The following BEND3 variants were observed in gnomAD, a reference collection of about 807,000 sequenced individuals.
The protein encoded by BEND3 is BEN domain containing 3.
BEND3 carries 13 observed loss-of-function variants against 60.1 expected under a neutral mutation model. The observed-to-expected ratio is 0.22, with a 90% CI of 0.14 to 0.34. The LOEUF is 0.34. Among genes scored for constraint, BEND3 ranks in the 10% least tolerant of loss-of-function variants. BEND3 has a pLI of 1.00. For synonymous variants in BEND3, 497 were observed against 491.5 expected (o/e 1.01, Z -0.15); for missense variants, 896 against 1,138.1 (o/e 0.79, Z 3.06).
intron 1 of BEND3, 80 bp downstream of exon 1, chr6:107,115,010 A>T (rs1582682566): frequency 7.1e-6 from 1 of 141,694 alleles, no homozygotes. Context: ...TGGATGTTGC[A>T]GCCACTCTAC....
chr6:107,090,673 T>G (rs1173044561), intron 3 of BEND3, among the ~76,000 whole-genome samples: 1 of 152,164 alleles, frequency 6.6e-6, no homozygotes, highest in Non-Finnish European at 1.5e-5. Flanking sequence ...TTTGTTATTA[T>G]AAGGTACTCA....
At chr6:107,082,486 G>A (rs1775254754) in intron 3 of BEND3, among the ~76,000 whole-genome samples, 1 of 152,206 alleles carries the variant, frequency 6.6e-6, no homozygotes, top group Non-Finnish European at 1.5e-5. Context: ...CCAGGCTGGA[G>A]TGTAGTGGTG....
At position 107,103,959 on chromosome 6, in the gene BEND3, AAAAGAAAG is replaced by A. The variant is rs377110388; in HGVS notation, c.-11-4671_-11-4664del. On this transcript the variant is annotated intron_variant, in intron 1 of 3. Coordinates refer to ENST00000369042, the MANE Select transcript of BEND3 (RefSeq NM_001367314.1). ...GCGAAACTCCGTCTCAAAAAAAAAAAAAAGAAAGAAAGAAAGAAAGAAAGAAAGAAAAA... is the reference window on the plus strand; with the variant it reads ...GCGAAACTCCGTCTCAAAAAAAAAAAAAAGAAAGAAAGAAAGAAAGAAAAA... Among the ~76,000 whole-genome samples the A allele has an allele frequency of 4.4e-3, 474 of 107,868 alleles. 3 individuals carry two copies. Among genetic ancestry groups the A allele is most frequent in the East Asian group, 0.028 (73 of 2,644 alleles). The allele number at this position is 107,868 out of a possible 152,430, so 70.8% of individuals were successfully genotyped here.
At chr6:107,092,885 C>T (rs1775506650) in intron 3 of BEND3, among the ~76,000 whole-genome samples, 1 of 151,968 alleles carries the variant, frequency 6.6e-6, no homozygotes, top group Non-Finnish European at 1.5e-5. Flanking sequence ...ATCAGGACTC[C>T]AAAAACATGA....
At chr6:107,085,674 G>A (rs1235250083) in intron 3 of BEND3, among the ~76,000 whole-genome samples, 1 of 151,682 alleles carries the variant, frequency 6.6e-6, no homozygotes, top group East Asian at 1.9e-4. Context: ...TGTATTTTTA[G>A]TAGAGATGGG....
chr6:107,089,191 G>T (rs1775419273), intron 3 of BEND3, among the ~76,000 whole-genome samples: 1 of 151,916 alleles, frequency 6.6e-6, no homozygotes, highest in Non-Finnish European at 1.5e-5. Flanking sequence ...AAACATTCAT[G>T]TGAGAAATTG....
Position 107,085,713 on chromosome 6 carries a change from G to A in BEND3, c.240+12838C>T, listed in dbSNP as rs370669278. Among the ~76,000 whole-genome samples, 97 of 151,302 alleles carry A rather than the reference G, an allele frequency of 6.4e-4. 2 individuals are homozygous for A. The highest frequency in any genetic ancestry group is 2.0e-3 in the African/African-American group (83 of 41,218). On this transcript the variant is annotated intron_variant, in intron 3 of 3. Coordinates refer to ENST00000369042, the MANE Select transcript of BEND3 (RefSeq NM_001367314.1). ...TCACTGTGTTAGCCAGGATGGTCTC[G>A]ATTTCCCGACCTCATGATCCACCTG...
chr6:107,083,568 T>G (rs1172630299), intron 3 of BEND3, among the ~76,000 whole-genome samples: 1 of 151,410 alleles, frequency 6.6e-6, no homozygotes. Flanking sequence ...GCCCAGGGGG[T>G]TGAGGCTGCA....
In BEND3 at chr6:107,068,683, C is replaced by A. The variant is rs1554231213; in HGVS notation, c.*21G>T. ...CGCTCAGCCTCTGGTGACCCCGAAT[C>A]TCTGGGCAGGTCACGGGCCTTCACT... On this transcript the variant is annotated 3_prime_UTR_variant, in exon 4 of 4. Coordinates refer to ENST00000369042, the MANE Select transcript of BEND3 (RefSeq NM_001367314.1). The surrounding 1 kb of genome is among the most constrained non-coding windows in gnomAD (Gnocchi z 5.8). The A allele has an allele frequency of 1.2e-6, 2 of 1,603,962 alleles. No homozygotes were observed. The highest frequency in any genetic ancestry group is 3.4e-5 in the Admixed American group (2 of 59,428).
At chr6:107,093,358 G>A (rs1351616755) in intron 3 of BEND3, among the ~76,000 whole-genome samples, 1 of 152,110 alleles carries the variant, frequency 6.6e-6, no homozygotes, top group Non-Finnish European at 1.5e-5. Flanking sequence ...CTACTCAGGA[G>A]GCTGAGGCAG....
intron 1 of BEND3, among the ~76,000 whole-genome samples, chr6:107,103,293 C>T (rs1554236934): frequency 1.3e-5 from 2 of 152,180 alleles, no homozygotes; most frequent in African/African-American, 4.8e-5. Context: ...GGTCACCTGC[C>T]CAGATGAGGG....
rs868970726 is a variant in BEND3, at chr6:107,089,358, G to A, written c.240+9193C>T. On this transcript the variant is annotated intron_variant, in intron 3 of 3. Transcript: ENST00000369042. ...AGCACTTTGGGAGGCCAAGGCAGGC[G>A]GATCACGACGTCAGGAAATTGAGAC... Among the ~76,000 whole-genome samples the A allele has an allele frequency of 6.5e-4, 99 of 151,758 alleles. 3 individuals are homozygous for A. In the Middle Eastern group the frequency reaches 0.017, roughly 26 times the overall value.
chr6:107,069,149 C>G lies in BEND3; in HGVS notation c.2042G>C (p.Arg681Pro), dbSNP rs782184889. Residue 681 changes from arginine to proline, a missense_variant, in exon 4 of 4, where the codon CGG becomes CCG. Around this residue, in one of 4 missense-constraint regions of BEND3, gnomAD observed 846 missense variants for 1,036.7 expected, o/e 0.82. Transcript: ENST00000369042. ...TSYAINPERF[R>P]EEFEGPPLPP... is the part of the protein sequence containing the mutation. ...CAGTGGGGGCCCCTCAAACTCCTCC[C>G]GGAACCTCTCGGGGTTGATTGCATA... 1.2e-6 allele frequency: 2 copies of G among 1,612,626 alleles called. No individual in the cohort carries two copies. The highest frequency in any genetic ancestry group is 1.7e-6 in the Non-Finnish European group (2 of 1,180,008).
At chr6:107,113,934 T>C (rs138932285) in intron 1 of BEND3, 3 of 152,252 alleles carry the variant, frequency 2.0e-5, no homozygotes, top group Non-Finnish European at 4.4e-5. Flanking sequence ...CCCTGTGGCA[T>C]GTTTACTATT....
intron 1 of BEND3, chr6:107,114,183 C>G (rs1232289903): frequency 6.6e-6 from 1 of 152,274 alleles, no homozygotes; most frequent in African/African-American, 2.4e-5. Context: ...CGGTGGTGCA[C>G]AGCTCACGGA....
intron 3 of BEND3, among the ~76,000 whole-genome samples, chr6:107,089,238 G>A (rs552257018): frequency 6.6e-6 from 1 of 152,134 alleles, no homozygotes; most frequent in East Asian, 1.9e-4. Context: ...TTCCACATTC[G>A]TGATTCGAAA....
chr6:107,075,433 G>C (rs1775081073), intron 3 of BEND3, among the ~76,000 whole-genome samples: 3 of 152,140 alleles, frequency 2.0e-5, no homozygotes, highest in Admixed American at 2.0e-4. Flanking sequence ...GGTCACTGTG[G>C]AAAACCATTG....
intron 3 of BEND3, among the ~76,000 whole-genome samples, chr6:107,091,888 A>C (rs1217833927): frequency 2.0e-5 from 3 of 152,208 alleles, no homozygotes; most frequent in Non-Finnish European, 4.4e-5. Context: ...ACACAGATGA[A>C]AAACCCTCAA....
In BEND3 at chr6:107,115,373, C is replaced by T. The variant is rs1484054731; in HGVS notation, c.-295G>A. The T allele has an allele frequency of 1.3e-5, 2 of 148,860 alleles. No homozygotes were observed. The highest frequency in any genetic ancestry group is 3.0e-5 in the Non-Finnish European group (2 of 66,684). 9.2% of individuals were successfully genotyped at this position (148,860 alleles called of 1,614,324 possible). On this transcript the variant is annotated 5_prime_UTR_variant, in exon 1 of 4. Transcript: ENST00000369042. The stretch of plus-strand genomic sequence containing the variant: ...TGCAGTGGAACCACAACCCCTCCGC[C>T]CCCACCCCCGGCCCGCCCCTCCCCC...
Sources: allele counts gnomAD v4.1 joint callset (sites outside exome capture counted in the v4.1 genomes callset), GRCh38; gene constraint gnomAD v4.1.1; regional missense constraint gnomAD v4.1.1; non-coding constraint Gnocchi (gnomAD v3.1); transcripts MANE v1.5; gene names NCBI Gene and HGNC (gene_info 2026-07-23, HGNC 2026-07-21).